The following BRF1 variants were observed in gnomAD, a reference collection of about 807,000 sequenced individuals.
BRF1 encodes the protein BRF1 general transcription factor IIIB subunit.
BRF1 carries 59 observed loss-of-function variants against 81.7 expected under a neutral mutation model. That is an observed-to-expected ratio of 0.72 (90% CI 0.59 to 0.90). The LOEUF (loss-of-function observed/expected upper bound fraction) is 0.90. Among genes scored for constraint, BRF1 ranks in the 40% least tolerant of loss-of-function variants. BRF1 has a pLI of 0.00. For synonymous variants in BRF1, 491 were observed against 395.6 expected, an observed-to-expected ratio of 1.24 and a Z score of -2.86; for missense variants, 1,050 against 936.3, an observed-to-expected ratio of 1.12 and a Z score of -1.58.
chr14:105,299,936 A>T (rs2057916767), intron 1 of BRF1, among the ~76,000 whole-genome samples: 1 of 152,188 alleles, frequency 6.6e-6, no homozygotes, highest in Non-Finnish European at 1.5e-5. Flanking sequence ...CAACCACCTG[A>T]AACTGGCCAC....
chr14:105,295,538 G>T (rs1449731940), intron 1 of BRF1, among the ~76,000 whole-genome samples: 1 of 151,924 alleles, frequency 6.6e-6, no homozygotes, highest in Non-Finnish European at 1.5e-5. Flanking sequence ...AGCCCAGGGG[G>T]TTACGACTGC....
chr14:105,250,396 C>T (rs139399681), intron 5 of BRF1: 10 of 1,613,804 alleles, frequency 6.2e-6, no homozygotes, highest in East Asian at 4.5e-5. Context: ...TCAAGCGGCT[C>T]GGGGTGGTTC....
chr14:105,241,297 G>C lies in BRF1; in HGVS notation c.662C>G (p.Thr221Arg). 6.2e-7 allele frequency: 1 copy of C among 1,612,574 alleles called. No individual in the cohort carries two copies. ...GCAGAGGCCCGAGGGGCGCCGGCCT[G>C]TGTGCATCCAGTCCCGCTTCATCCT... is the stretch of plus-strand genomic sequence containing the variant. ...LQRMKRDWMH[T>R]GRRPSGLCGA... The change falls in exon 6 of 18, where the codon ACA becomes AGA. Residue 221 changes from threonine (T) to arginine (R), a missense_variant. Physicochemically the swap from Thr to Arg is moderately conservative, Grantham distance 71. Transcript: ENST00000547530.
At position 105,209,800 on chromosome 14, in the gene BRF1, G is replaced by T; in HGVS notation, c.*751C>A. The T allele has an allele frequency of 1.9e-6, 1 of 521,940 alleles. No individual in the cohort carries two copies. Among genetic ancestry groups the T allele is most frequent in the South Asian group, 2.7e-5 (1 of 36,432 alleles). The allele number at this position is 521,940 out of a possible 1,614,324, so 32.3% of individuals were successfully genotyped here. ...CGGGTGGGCGCCGGTCTCAGCTGTC[G>T]GGCACTCAGTTCACCTGCCGGCAGC... On this transcript the variant is annotated 3_prime_UTR_variant, in exon 18 of 18. Transcript: ENST00000547530.
intron 2 of BRF1, among the ~76,000 whole-genome samples, chr14:105,285,118 C>T (rs769879691): frequency 6.6e-5 from 10 of 152,214 alleles, no homozygotes; most frequent in Non-Finnish European, 1.2e-4. Flanking sequence ...TTAACGCAAT[C>T]CCCGTCAAAA....
rs1044466533 is a variant in BRF1 at position 105,315,382 on chromosome 14, G to C, written c.-222C>G. ...AATGCGGTGCCGGCCGGGGTGACGA[G>C]GGTGCTTCCTCTCTCGGGTACCACA... On this transcript the variant is annotated 5_prime_UTR_variant, in exon 1 of 18. Transcript: ENST00000327359. This position sits in a 1 kb window ranked among gnomAD's most constrained non-coding sequence, Gnocchi z 4.4. 1 of 152,362 alleles carries C rather than the reference G, an allele frequency of 6.6e-6. No individual in the cohort carries two copies. The highest frequency in any genetic ancestry group is 1.5e-5 in the Non-Finnish European group (1 of 68,146). The allele number at this position is 152,362 out of a possible 1,614,324, so 9.4% of individuals were successfully genotyped here. A position where few individuals can be genotyped will look rare whatever the true frequency, so the allele number is the denominator to read the frequency against.
chr14:105,229,483 A>C (rs1046029611), intron 6 of BRF1, among the ~76,000 whole-genome samples: 1 of 152,168 alleles, frequency 6.6e-6, no homozygotes, highest in Non-Finnish European at 1.5e-5. Flanking sequence ...ATGAGGAGTG[A>C]GGGCCCTGCC....
At chr14:105,291,492 A>G (rs1165422193) in intron 1 of BRF1, among the ~76,000 whole-genome samples, 1 of 152,194 alleles carries the variant, frequency 6.6e-6, no homozygotes, top group Non-Finnish European at 1.5e-5. Flanking sequence ...CCTGGCCAAC[A>G]GGGCGAAACC....
At chr14:105,226,397 G>A in intron 8 of BRF1, 107 bp from the exon 9 acceptor site, 5 of 1,519,422 alleles carry the variant, frequency 3.3e-6, no homozygotes, top group Admixed American at 1.7e-5. Context: ...TAGAACTTAG[G>A]GGTACGCAGC....
intron 3 of BRF1, among the ~76,000 whole-genome samples, chr14:105,268,635 C>T (rs1190296180): frequency 2.0e-5 from 3 of 152,226 alleles, no homozygotes. Flanking sequence ...TTTCTTGTAT[C>T]CAGCCCTGGG....
At chr14:105,249,005 C>T in intron 5 of BRF1, 1 of 1,053,366 alleles carries the variant, frequency 9.5e-7, no homozygotes, top group Non-Finnish European at 1.1e-6. Flanking sequence ...CGCCGCCGCC[C>T]GCGCCCGCGC....
chr14:105,229,528 G>A (rs902489960), intron 6 of BRF1, among the ~76,000 whole-genome samples: 3 of 152,228 alleles, frequency 2.0e-5, no homozygotes, highest in Non-Finnish European at 4.4e-5. Context: ...TGGGGTAGTT[G>A]ACCAGGCCAC....
intron 1 of BRF1, among the ~76,000 whole-genome samples, chr14:105,312,663 G>A (rs1663120323): frequency 6.6e-6 from 1 of 152,226 alleles, no homozygotes; most frequent in African/African-American, 2.4e-5. Context: ...GACCAGCACA[G>A]CATCATTTTC....
rs989218084 is a variant in BRF1 at position 105,315,149 on chromosome 14, G to C, written c.-162+173C>G. On this transcript the variant is annotated intron_variant, in intron 1 of 17. Coordinates refer to the BRF1 transcript ENST00000327359. This position sits in a 1 kb window ranked among gnomAD's most constrained non-coding sequence, Gnocchi z 4.4. Reference sequence around the variant, plus strand: ...CGGGTCCCCCAGCGGAGCCCAGGTCGCCCCCCGCGCCCCCGCCCGCCGGTT... The same window carrying C: ...CGGGTCCCCCAGCGGAGCCCAGGTCCCCCCCCGCGCCCCCGCCCGCCGGTT... 5.4e-6 allele frequency: 3 copies of C among 556,984 alleles called. No homozygotes were observed. The highest frequency in any genetic ancestry group is 7.0e-6 in the Non-Finnish European group (3 of 430,690). The allele number at this position is 556,984 out of a possible 1,614,324, so 34.5% of individuals were successfully genotyped here.
chr14:105,217,009 C>T (rs1041435972), intron 15 of BRF1, among the ~76,000 whole-genome samples: 37 of 152,314 alleles, frequency 2.4e-4, no homozygotes, highest in South Asian at 1.9e-3. Context: ...GCACAGAGGC[C>T]GACCCACTCC....
chr14:105,297,793 G>A (rs1427996682), intron 1 of BRF1, among the ~76,000 whole-genome samples: 5 of 151,970 alleles, frequency 3.3e-5, no homozygotes, highest in East Asian at 1.9e-4. Context: ...TCAGGAGATC[G>A]AAACCATCCC....
At chr14:105,222,312 G>C (rs1892406771) in intron 10 of BRF1, 1 of 173,270 alleles carries the variant, frequency 5.8e-6, no homozygotes, top group Non-Finnish European at 1.2e-5. Flanking sequence ...AGGCTTATCT[G>C]CAAATCTCGT....
In BRF1 at chr14:105,240,654, G is replaced by C. The variant is rs370570716; in HGVS notation, c.694+611C>G. 1.2e-3 allele frequency among the ~76,000 whole-genome samples: 11 copies of C among 9,274 alleles called. No individual in the cohort carries two copies. The East Asian group carries it at 0.03, about 26-fold the overall frequency. 6.1% of individuals were successfully genotyped at this position (9,274 alleles called of 152,430 possible). A position where few individuals can be genotyped will look rare whatever the true frequency, so the allele number is the denominator to read the frequency against. Reference sequence around the variant, plus strand: ...CACTGTCCGCGTAGTCGCCCAGCTGGGGGCGGGGGACAGCCTGACAGCCCT... The same window carrying C: ...CACTGTCCGCGTAGTCGCCCAGCTGCGGGCGGGGGACAGCCTGACAGCCCT... On this transcript the variant is annotated intron_variant, in intron 6 of 17. Coordinates refer to ENST00000547530, the MANE Select transcript of BRF1 (RefSeq NM_001519.4).
rs763965388 is a variant in BRF1, at chr14:105,209,641, T to G, written c.*910A>C. On this transcript the variant is annotated 3_prime_UTR_variant, in exon 18 of 18. Coordinates refer to ENST00000547530, the MANE Select transcript of BRF1 (RefSeq NM_001519.4). ...GAGGCTCTCGGGCCTCCGTCTGCCC[T>G]CCCTCCTCGATGGGGGGCCTGATCC... 7.2e-6 allele frequency: 5 copies of G among 689,710 alleles called. No individual in the cohort carries two copies. Among genetic ancestry groups the G allele is most frequent in the Non-Finnish European group, 8.0e-6 (3 of 377,068 alleles). 42.7% of individuals were successfully genotyped at this position (689,710 alleles called of 1,614,324 possible). A position where few individuals can be genotyped will look rare whatever the true frequency, so the allele number is the denominator to read the frequency against.
Sources: allele counts gnomAD v4.1 joint callset (sites outside exome capture counted in the v4.1 genomes callset), GRCh38; gene constraint gnomAD v4.1.1; non-coding constraint Gnocchi (gnomAD v3.1); transcripts MANE v1.5; gene names NCBI Gene and HGNC (gene_info 2026-07-23, HGNC 2026-07-21).